Variants in CSMD1 observed in about 807,000 individuals in gnomAD.
The protein encoded by CSMD1 is CUB and Sushi multiple domains 1, also known as CUB and sushi domain-containing protein 1.
Under a neutral mutation model 417.5 loss-of-function variants are expected in CSMD1, and 213 were observed. The ratio of observed to expected loss-of-function variants is 0.51; its 90% confidence interval spans 0.46 to 0.57. The LOEUF (loss-of-function observed/expected upper bound fraction) is 0.57. CSMD1 is among the 20% of genes least tolerant of loss of function. The pLI, the probability that CSMD1 is intolerant of heterozygous loss-of-function variation, is 0.00. For missense variants in CSMD1, 6,923 were observed against 4,529.7 expected, an observed-to-expected ratio of 1.53 and a Z score of -15.17; for synonymous variants, 2,862 against 1,736.8, an observed-to-expected ratio of 1.65 and a Z score of -16.11.
intron 26 of CSMD1, among the ~76,000 whole-genome samples, chr8:3,280,513 G>A (rs186771992): frequency 1.3e-3 from 203 of 152,178 alleles, no homozygotes; most frequent in East Asian, 4.3e-3. Context: ...ATGCCTCAGA[G>A]TCAATGTTAT....
intron 3 of CSMD1, among the ~76,000 whole-genome samples, chr8:4,198,537 G>C (rs1408187137): frequency 6.6e-6 from 1 of 152,142 alleles, no homozygotes; most frequent in Non-Finnish European, 1.5e-5. Flanking sequence ...GAAAGAAAGT[G>C]TCTAGAAATA....
intron 5 of CSMD1, among the ~76,000 whole-genome samples, chr8:3,896,424 T>G (rs1177529481): frequency 2.6e-5 from 4 of 152,322 alleles, no homozygotes; most frequent in Non-Finnish European, 2.9e-5. Flanking sequence ...ATGCTACATG[T>G]AATGTCTCCA....
intron 2 of CSMD1, among the ~76,000 whole-genome samples, chr8:4,516,884 C>A (rs1803156616): frequency 6.6e-6 from 1 of 151,946 alleles, no homozygotes; most frequent in Admixed American, 6.5e-5. Flanking sequence ...AGGGTGAATA[C>A]AAATATAATA....
intron 3 of CSMD1, among the ~76,000 whole-genome samples, chr8:4,108,222 T>C (rs1429926250): frequency 6.6e-6 from 1 of 152,162 alleles, no homozygotes; most frequent in Non-Finnish European, 1.5e-5. Context: ...GTGAAGTCCT[T>C]CGTAAACATT....
intron 46 of CSMD1, among the ~76,000 whole-genome samples, chr8:3,101,371 A>C (rs1336179223): frequency 2.0e-5 from 3 of 152,214 alleles, no homozygotes; most frequent in South Asian, 4.1e-4. Flanking sequence ...TCTCTTACTC[A>C]GGTTTTTCTA....
At chr8:3,705,395 C>G (rs937500441) in intron 7 of CSMD1, among the ~76,000 whole-genome samples, 5 of 152,194 alleles carry the variant, frequency 3.3e-5, no homozygotes, top group Admixed American at 6.5e-5. Flanking sequence ...ACAGGAGCTG[C>G]TAGCAGTGTC....
At chr8:4,889,625 T>C (rs1803976675) in intron 1 of CSMD1, among the ~76,000 whole-genome samples, 1 of 152,062 alleles carries the variant, frequency 6.6e-6, no homozygotes, top group Non-Finnish European at 1.5e-5. Flanking sequence ...TGGCTTAAGG[T>C]TACTGGTAGC....
intron 2 of CSMD1, among the ~76,000 whole-genome samples, chr8:4,574,728 A>T (rs1319846281): frequency 1.3e-5 from 2 of 152,214 alleles, no homozygotes; most frequent in Non-Finnish European, 2.9e-5. Flanking sequence ...CTAACCATAG[A>T]CACACACCTT....
At chr8:4,481,054 A>G (rs1302709145) in intron 2 of CSMD1, among the ~76,000 whole-genome samples, 1 of 152,218 alleles carries the variant, frequency 6.6e-6, no homozygotes, top group Non-Finnish European at 1.5e-5. Flanking sequence ...TAGTGACAAG[A>G]TATGAATATA....
chr8:4,334,261 A>G (rs1585253718), intron 3 of CSMD1, among the ~76,000 whole-genome samples: 4 of 152,122 alleles, frequency 2.6e-5, no homozygotes, highest in Admixed American at 6.6e-5. Context: ...AAGGTGCTTA[A>G]AAGTATGCCT....
At chr8:3,970,816 C>A (rs1813029586) in intron 5 of CSMD1, among the ~76,000 whole-genome samples, 1 of 151,964 alleles carries the variant, frequency 6.6e-6, no homozygotes, top group African/African-American at 2.4e-5. Flanking sequence ...CCAGGGGCAC[C>A]ATCTGTCTCA....
intron 2 of CSMD1, among the ~76,000 whole-genome samples, chr8:4,452,298 T>A (rs1368837607): frequency 6.6e-6 from 1 of 152,192 alleles, no homozygotes; most frequent in East Asian, 1.9e-4. Flanking sequence ...TAACAACTAT[T>A]TAGGTGAATT....
At chr8:3,664,792 T>C (rs1352664178) in intron 7 of CSMD1, among the ~76,000 whole-genome samples, 2 of 152,198 alleles carry the variant, frequency 1.3e-5, no homozygotes, top group Non-Finnish European at 2.9e-5. Context: ...GGTAAAACTG[T>C]ACACAAAGCT....
intron 3 of CSMD1, among the ~76,000 whole-genome samples, chr8:4,230,872 G>C (rs867721081): frequency 5.9e-5 from 9 of 151,982 alleles, no homozygotes; most frequent in Non-Finnish European, 1.2e-4. Context: ...TTCTTTAACG[G>C]CACTAACTTG....
chr8:3,875,673 A>G (rs1032953822), intron 5 of CSMD1, among the ~76,000 whole-genome samples: 6 of 152,128 alleles, frequency 3.9e-5, no homozygotes, highest in African/African-American at 1.4e-4. Context: ...ATTCCAGGAG[A>G]GCAGCTCTGG....
In CSMD1 at chr8:3,798,810, CG is replaced by C. The variant is rs576131783; in HGVS notation, c.819-44769del. Among the ~76,000 whole-genome samples the C allele has an allele frequency of 3.0e-3, 462 of 151,904 alleles. 1 individual carries two copies. The highest frequency in any genetic ancestry group is 0.011 in the African/African-American group (436 of 41,450). ...ATTATGGGACATCTGTTTATAAATTCGTGTTGGTTGAAATTTAGTAAAATGT... is the reference window on the plus strand; with the variant it reads ...ATTATGGGACATCTGTTTATAAATTCTGTTGGTTGAAATTTAGTAAAATGT... On this transcript the variant is annotated intron_variant, in intron 5 of 69. Coordinates refer to ENST00000635120, the MANE Select transcript of CSMD1 (RefSeq NM_033225.6).
At chr8:4,994,232 C>A in intron 1 of CSMD1, 100 bp downstream of exon 1, 1 of 1,030,626 alleles carries the variant, frequency 9.7e-7, no homozygotes, top group Non-Finnish European at 1.4e-6. Flanking sequence ...GCAGAGGCGG[C>A]CACTCCGTAC....
rs1554440716 is a variant in CSMD1, at chr8:3,796,379, T to TAG, written c.819-42338_819-42337insCT. ...TATAGATATAGATATCTATCATGTA[T>TAG]ATATATATCTATCATGTATAGATAT... On this transcript the variant is annotated intron_variant, in intron 5 of 69. Coordinates refer to ENST00000635120, the MANE Select transcript of CSMD1 (RefSeq NM_033225.6). Among the ~76,000 whole-genome samples the TAG allele has an allele frequency of 6.7e-3, 324 of 48,148 alleles. 48 individuals carry two copies. The highest frequency in any genetic ancestry group is 0.026 in the Middle Eastern group (1 of 38). 31.6% of individuals were successfully genotyped at this position (48,148 alleles called of 152,430 possible). A position where few individuals can be genotyped will look rare whatever the true frequency, so the allele number is the denominator to read the frequency against.
At chr8:3,298,379 G>C (rs1214980555) in intron 25 of CSMD1, among the ~76,000 whole-genome samples, 1 of 152,126 alleles carries the variant, frequency 6.6e-6, no homozygotes, top group African/African-American at 2.4e-5. Flanking sequence ...AATTATATCA[G>C]GAAATATCTA....
Sources: allele counts gnomAD v4.1 joint callset (sites outside exome capture counted in the v4.1 genomes callset), GRCh38; gene constraint gnomAD v4.1.1; transcripts MANE v1.5; gene names NCBI Gene and HGNC (gene_info 2026-07-23, HGNC 2026-07-21).